The following SNED1 variants were observed in gnomAD, a reference collection of about 807,000 sequenced individuals.
The protein encoded by SNED1 is sushi, nidogen and EGF-like domain-containing protein 1.
SNED1 carries 81 observed loss-of-function variants against 166.7 expected under a neutral mutation model. The ratio of observed to expected loss-of-function variants is 0.49; its 90% CI spans 0.41 to 0.58. The LOEUF (loss-of-function observed/expected upper bound fraction) is 0.58. Ranked by LOEUF, SNED1 falls within the 20% of genes least tolerant of loss-of-function variation. The pLI, the probability that SNED1 is intolerant of heterozygous loss-of-function variation, is 0.00. For synonymous variants in SNED1, 762 were observed against 822.0 expected, an observed-to-expected ratio of 0.93 and a Z score of 1.25; for missense variants, 1,604 against 2,000.2, an observed-to-expected ratio of 0.80 and a Z score of 3.78.
Position 240,999,042 on chromosome 2 carries a change from G to A in SNED1, c.205G>A (p.Gly69Arg), listed in dbSNP as rs2059997614. Residue 69 changes from glycine (G) to arginine (R), a missense_variant, in exon 1 of 32, where the codon GGA becomes AGA. Physicochemically the swap from Gly to Arg is moderately radical, Grantham distance 125 (BLOSUM62 -2). This residue lies in a region of SNED1 where 1,237 missense variants were observed against 1,620.8 expected (regional missense o/e 0.76). Coordinates refer to ENST00000310397, the MANE Select transcript of SNED1 (RefSeq NM_001080437.3). The surrounding 1 kb of genome is among the most constrained non-coding windows in gnomAD (Gnocchi z 5.8). ...PFPFFGAEHS[G>R]LYVNNNGIIS... is the part of the protein sequence containing the mutation. ...CCCGTTCTTCGGTGCCGAGCACTCC[G>A]GACTCTACGTGAGTAACCCCCGGGC... The A allele has an allele frequency of 2.3e-6, 3 of 1,317,452 alleles. No homozygotes were observed. Among genetic ancestry groups the A allele is most frequent in the Admixed American group, 3.5e-5 (1 of 28,762 alleles). 81.6% of individuals were successfully genotyped at this position (1,317,452 alleles called of 1,614,324 possible). A position where few individuals can be genotyped will look rare whatever the true frequency, so the allele number is the denominator to read the frequency against.
At position 241,069,668 on chromosome 2, in the gene SNED1, G is replaced by A. The variant is rs2125229940; in HGVS notation, c.3308-252G>A. Among the ~76,000 whole-genome samples, 1 of 151,922 alleles carries A rather than the reference G, an allele frequency of 6.6e-6. No homozygotes were observed. Among genetic ancestry groups the A allele is most frequent in the East Asian group, 1.9e-4 (1 of 5,182 alleles). On this transcript the variant is annotated intron_variant, in intron 23 of 31. Coordinates refer to ENST00000310397, the MANE Select transcript of SNED1 (RefSeq NM_001080437.3). The surrounding 1 kb of genome is among the most constrained non-coding windows in gnomAD (Gnocchi z 4.9). ...AGGGAGGGCGCCAGCTGACGGGCCA[G>A]GGCCTGGGGGCTTCACAGGGTGGAT...
chr2:241,034,880 C>T, intron 4 of SNED1, 150 bp downstream of exon 4: 1 of 825,658 alleles, frequency 1.2e-6, no homozygotes, highest in Non-Finnish European at 1.9e-6. Context: ...GCGTGTGAAA[C>T]TAAGGAAAGC....
At chr2:241,000,888 A>G (rs1294050263) in intron 1 of SNED1, among the ~76,000 whole-genome samples, 1 of 152,256 alleles carries the variant, frequency 6.6e-6, no homozygotes, top group African/African-American at 2.4e-5. Flanking sequence ...TGCGTTGCCC[A>G]GGACACCTTG....
In SNED1 at chr2:241,042,590, C is replaced by A. The variant is rs544834833; in HGVS notation, c.1273+2177C>A. On this transcript the variant is annotated intron_variant, in intron 8 of 31. Coordinates refer to ENST00000310397, the MANE Select transcript of SNED1 (RefSeq NM_001080437.3). ...CAGGCACCAGAAATGACAGAATTAG[C>A]AGATACAAATGTTTAATTATCTATT... Among the ~76,000 whole-genome samples the A allele has an allele frequency of 2.6e-5, 4 of 152,106 alleles. No individual in the cohort carries two copies. The East Asian group carries it at 7.7e-4, about 29-fold the overall frequency.
At position 241,040,141 on chromosome 2, in the gene SNED1, C is replaced by T. The variant is rs750619657; in HGVS notation, c.1112C>T (p.Ala371Val). 1.4e-5 allele frequency: 23 copies of T among 1,602,276 alleles called. No individual in the cohort carries two copies. The highest frequency in any genetic ancestry group is 1.7e-5 in the Non-Finnish European group (20 of 1,174,566). ...CAGTGCCAGGTGGAGAATGGCTCTG[C>T]GGTGTGTGTGTGCCAGGCCGGATAC... ...GGQCQVENGS[A>V]VCVCQAGYTG... The change falls in exon 7 of 32, where the codon GCG (alanine) becomes GTG (valine). Residue 371 changes from alanine to valine, a missense_variant. By Grantham distance (64) the Ala-to-Val change is moderately conservative (BLOSUM62 0). Coordinates refer to ENST00000310397, the MANE Select transcript of SNED1 (RefSeq NM_001080437.3).
intron 2 of SNED1, among the ~76,000 whole-genome samples, chr2:241,031,708 G>A (rs2061174446): frequency 6.6e-6 from 1 of 152,342 alleles, no homozygotes; most frequent in South Asian, 2.1e-4. Context: ...TCCCCTAGAC[G>A]GTGCCACCAC....
chr2:241,039,566 C>T (rs1315787572), intron 6 of SNED1, among the ~76,000 whole-genome samples: 3 of 152,040 alleles, frequency 2.0e-5, no homozygotes, highest in Non-Finnish European at 4.4e-5. Flanking sequence ...TCCCCTAGCT[C>T]ACTCCCACTC....
intron 27 of SNED1, chr2:241,074,834 A>G (rs2062944409): frequency 6.6e-6 from 1 of 152,208 alleles, no homozygotes; most frequent in African/African-American, 2.4e-5. Context: ...GATGTGAACG[A>G]TACCTTCTAT....
Position 241,071,821 on chromosome 2 carries a change from G to A in SNED1, c.3760G>A (p.Gly1254Arg). The A allele has an allele frequency of 6.2e-7, 1 of 1,603,620 alleles. No individual in the cohort carries two copies. Among genetic ancestry groups the A allele is most frequent in the Non-Finnish European group, 8.5e-7 (1 of 1,175,448 alleles). The change falls in exon 26 of 32, where the codon GGA becomes AGA. Residue 1254 changes from glycine to arginine, a missense_variant. Around this residue, in one of 2 missense-constraint regions of SNED1, gnomAD observed 367 missense variants for 379.4 expected, o/e 0.97. Coordinates refer to ENST00000310397, the MANE Select transcript of SNED1 (RefSeq NM_001080437.3). ...PRFSELVDGR[G>R]RVSARFGGSP... ...GTTCTCGGAGCTTGTGGACGGCAGA[G>A]GAAGAGTGAGCGCCAGGTTCGGTGG... is the stretch of plus-strand genomic sequence containing the variant.
intron 1 of SNED1, among the ~76,000 whole-genome samples, chr2:241,019,317 A>G (rs35638076): frequency 0.35 from 53,033 of 152,136 alleles, 9,422 homozygotes; most frequent in Middle Eastern, 0.44. Context: ...AATATCCATC[A>G]ATACGTGATT....
intron 8 of SNED1, among the ~76,000 whole-genome samples, chr2:241,042,811 G>A (rs529304529): frequency 1.6e-4 from 24 of 152,332 alleles, no homozygotes; most frequent in African/African-American, 5.5e-4. Flanking sequence ...AATTCAATAT[G>A]CATCACAGAG....
Position 240,998,920 on chromosome 2 carries a change from T to A in SNED1, c.83T>A (p.Leu28His). The A allele has an allele frequency of 8.0e-7, 1 of 1,255,342 alleles. No homozygotes were observed. The allele number at this position is 1,255,342 out of a possible 1,614,324, so 77.8% of individuals were successfully genotyped here. A position where few individuals can be genotyped will look rare whatever the true frequency, so the allele number is the denominator to read the frequency against. Residue 28 changes from leucine to histidine, a missense_variant, in exon 1 of 32, where the codon CTT becomes CAT. Physicochemically the swap from Leu to His is moderately conservative, Grantham distance 99. Around this residue, in one of 2 missense-constraint regions of SNED1, gnomAD observed 1,237 missense variants for 1,620.8 expected, o/e 0.76. Transcript: ENST00000310397. ...GARGVRGAVA[L>H]ADFYPFGAER... ...CGCGGGGTGCGCGGCGCGGTGGCCC[T>A]TGCCGACTTCTACCCGTTCGGCGCC... is the stretch of plus-strand genomic sequence containing the variant.
intron 29 of SNED1, chr2:241,087,091 A>G (rs2063620469): frequency 3.2e-6 from 1 of 311,002 alleles, no homozygotes; most frequent in Non-Finnish European, 5.8e-6. Context: ...TAGCACTGAC[A>G]TGTCTTTGAC....
intron 1 of SNED1, among the ~76,000 whole-genome samples, chr2:241,014,113 A>C (rs574503588): frequency 6.6e-6 from 1 of 151,614 alleles, no homozygotes; most frequent in African/African-American, 2.4e-5. Context: ...GGTTCAAGTG[A>C]TTCTTGTGCC....
In SNED1 at chr2:241,064,937, C is replaced by T. The variant is rs770215318; in HGVS notation, c.2693C>T (p.Thr898Met). 7 of 1,583,698 alleles carry T rather than the reference C, an allele frequency of 4.4e-6. No homozygotes were observed. Among genetic ancestry groups the T allele is most frequent in the African/African-American group, 4.1e-5 (3 of 73,252 alleles). Reference protein sequence around the residue: ...SHSCTCKVGYTGEDCAKELFP... With the variant: ...SHSCTCKVGYMGEDCAKELFP... ...AGCTGCACCTGCAAAGTGGGCTACA[C>T]GGGCGAGGACTGCGCCAAAGGTGGG... Residue 898 changes from threonine to methionine, a missense_variant, in exon 20 of 32, where the codon ACG becomes ATG. By Grantham distance (81) the Thr-to-Met change is moderately conservative (BLOSUM62 -1). Around this residue, in one of 2 missense-constraint regions of SNED1, gnomAD observed 1,237 missense variants for 1,620.8 expected, o/e 0.76. Transcript: ENST00000310397. This position sits in a 1 kb window ranked among gnomAD's most constrained non-coding sequence, Gnocchi z 7.0.
intron 6 of SNED1, 74 bp from the exon 7 acceptor site, chr2:241,040,001 G>A (rs551927934): frequency 6.6e-6 from 8 of 1,209,366 alleles, no homozygotes; most frequent in Non-Finnish European, 9.5e-6. Context: ...CTCAGTGTAC[G>A]TCCCAGGGGT....
chr2:241,073,290 A>G lies in SNED1; in HGVS notation c.3842A>G (p.Glu1281Gly). 5 of 1,565,392 alleles carry G rather than the reference A, an allele frequency of 3.2e-6. No homozygotes were observed. Among genetic ancestry groups the G allele is most frequent in the Non-Finnish European group, 3.5e-6 (4 of 1,156,290 alleles). ...RSQPTASAQL[E>G]NMEEAPKRVS... ...GAACCCACAGCCTCGGCGCAGCTCG[A>G]GAACATGGAGGAAGCCCCCAAGCGG... The change falls in exon 27 of 32, where the codon GAG becomes GGG. Residue 1281 changes from glutamate (E) to glycine (G), a missense_variant. Transcript: ENST00000310397. This position sits in a 1 kb window ranked among gnomAD's most constrained non-coding sequence, Gnocchi z 6.6.
At chr2:241,039,932 G>A (rs1446425353) in intron 6 of SNED1, 143 bp from the exon 7 acceptor site, 3 of 652,014 alleles carry the variant, frequency 4.6e-6, no homozygotes, top group South Asian at 1.8e-5. Flanking sequence ...CTTGCCTGTC[G>A]CCCGCTCAGA....
At position 241,052,436 on chromosome 2, in the gene SNED1, A is replaced by G. The variant is rs761124907; in HGVS notation, c.2051A>G (p.Gln684Arg). ...DRDTDFFCHC[Q>R]AGYMGRRCQA... Reference sequence around the variant, plus strand: ...GACACGGATTTCTTCTGCCACTGCCAAGCAGGGTACATGGGACGCCGGTGC... The same window carrying G: ...GACACGGATTTCTTCTGCCACTGCCGAGCAGGGTACATGGGACGCCGGTGC... The change falls in exon 15 of 32, where the codon CAA (glutamine) becomes CGA (arginine). Residue 684 changes from glutamine (Q) to arginine (R), a missense_variant. Gln to Arg is a conservative substitution (Grantham distance 43). Coordinates refer to ENST00000310397, the MANE Select transcript of SNED1 (RefSeq NM_001080437.3). 92 of 1,609,224 alleles carry G rather than the reference A, an allele frequency of 5.7e-5. 1 individual carries two copies. The Admixed American group carries it at 1.5e-3, about 27-fold the overall frequency.
Sources: allele counts gnomAD v4.1 joint callset (sites outside exome capture counted in the v4.1 genomes callset), GRCh38; gene constraint gnomAD v4.1.1; regional missense constraint gnomAD v4.1.1; non-coding constraint Gnocchi (gnomAD v3.1); transcripts MANE v1.5; gene names NCBI Gene and HGNC (gene_info 2026-07-23, HGNC 2026-07-21).